SLIT3: variants seen among roughly 807,000 people sequenced by gnomAD.
SLIT3 encodes slit homolog 3 protein.
A neutral mutation model predicts 184.0 loss-of-function variants in SLIT3; 68 were observed. The observed-to-expected ratio is 0.37, with a 90% CI of 0.30 to 0.45. The LOEUF is 0.45. SLIT3 is among the 20% of genes least tolerant of loss of function. The probability of loss-of-function intolerance (pLI) is 1.00; values close to 1 mark genes in which losing one functional copy is unlikely to be tolerated. For synonymous variants in SLIT3, 831 were observed against 828.6 expected (o/e 1.00, Z -0.05); for missense variants, 1,707 against 2,026.0 (o/e 0.84, Z 3.02).
At chr5:168,787,161 A>T (rs1756183857) in intron 11 of SLIT3, among the ~76,000 whole-genome samples, 1 of 152,244 alleles carries the variant, frequency 6.6e-6, no homozygotes, top group African/African-American at 2.4e-5. Context: ...AAAAGTCAGC[A>T]TGATAGCTCA....
chr5:168,959,445 C>T (rs557143108), intron 4 of SLIT3, among the ~76,000 whole-genome samples: 5 of 152,324 alleles, frequency 3.3e-5, no homozygotes, highest in South Asian at 2.1e-4. Flanking sequence ...ATATCCCACA[C>T]GTGAAAACCA....
chr5:169,181,361 G>A (rs867602056), intron 4 of SLIT3, among the ~76,000 whole-genome samples: 6 of 152,110 alleles, frequency 3.9e-5, no homozygotes, highest in Admixed American at 1.3e-4. Flanking sequence ...GACAGATATA[G>A]GAAGAAGACT....
At chr5:168,924,028 A>G (rs1338719117) in intron 4 of SLIT3, among the ~76,000 whole-genome samples, 1 of 152,250 alleles carries the variant, frequency 6.6e-6, no homozygotes, top group Non-Finnish European at 1.5e-5. Context: ...GCCTAAAATA[A>G]TATCTGGTCC....
At chr5:168,751,357 CA>C (rs1754695525) in intron 18 of SLIT3, among the ~76,000 whole-genome samples, 1 of 152,202 alleles carries the variant, frequency 6.6e-6, no homozygotes, top group African/African-American at 2.4e-5. Flanking sequence ...CTAAGGATAA[CA>C]GAGCCACATG....
chr5:168,826,383 A>G (rs893992728), intron 6 of SLIT3, among the ~76,000 whole-genome samples: 2 of 152,158 alleles, frequency 1.3e-5, no homozygotes, highest in African/African-American at 4.8e-5. Context: ...ATAAACACAG[A>G]TTTATTTGAT....
intron 4 of SLIT3, among the ~76,000 whole-genome samples, chr5:169,075,474 C>T (rs191215242): frequency 1.3e-5 from 2 of 152,236 alleles, no homozygotes; most frequent in Non-Finnish European, 1.5e-5. Flanking sequence ...TCGAAAATAT[C>T]GTGAAGTTGA....
At chr5:169,113,807 C>T (rs1221387625) in intron 4 of SLIT3, among the ~76,000 whole-genome samples, 1 of 152,042 alleles carries the variant, frequency 6.6e-6, no homozygotes, top group African/African-American at 2.4e-5. Context: ...TGACATGTGC[C>T]ATCATGCCCA....
intron 4 of SLIT3, among the ~76,000 whole-genome samples, chr5:168,908,361 T>C (rs1218880837): frequency 2.0e-5 from 3 of 152,154 alleles, no homozygotes; most frequent in Non-Finnish European, 2.9e-5. Flanking sequence ...CTGAATGCCA[T>C]GCAGTCCACG....
rs60977256 is a variant in SLIT3, at chr5:169,066,942, GAAAAAAAAA to G, written c.413+126528_413+126536del. On this transcript the variant is annotated intron_variant, in intron 4 of 35. Coordinates refer to ENST00000519560, the MANE Select transcript of SLIT3 (RefSeq NM_003062.4). Reference sequence around the variant, plus strand: ...AAGGCAACACCATGATCCCTTTCCTGAAAAAAAAAAAAAAAAAAAAGACAAGACATACAT... The same window carrying G: ...AAGGCAACACCATGATCCCTTTCCTGAAAAAAAAAAAGACAAGACATACAT... Among the ~76,000 whole-genome samples, 13 of 80,442 alleles carry G rather than the reference GAAAAAAAAA, an allele frequency of 1.6e-4. No homozygotes were observed. In the South Asian group the frequency reaches 5.7e-3, roughly 35 times the overall value. The allele number at this position is 80,442 out of a possible 152,430, so 52.8% of individuals were successfully genotyped here.
chr5:168,907,903 T>G (rs79758568), intron 4 of SLIT3, among the ~76,000 whole-genome samples: 7 of 91,460 alleles, frequency 7.7e-5, no homozygotes, highest in East Asian at 4.9e-4. Flanking sequence ...ATCATATATA[T>G]ATAGATCTAT....
intron 10 of SLIT3, among the ~76,000 whole-genome samples, chr5:168,793,452 C>T (rs529044128): frequency 5.9e-5 from 9 of 152,162 alleles, no homozygotes; most frequent in African/African-American, 1.2e-4. Context: ...TTCCATTAGT[C>T]GAACATTTTT....
rs559202713 is a variant in SLIT3 at position 168,662,614 on chromosome 5, G to C, written c.*3840C>G. 1 of 152,202 alleles carries C rather than the reference G, an allele frequency of 6.6e-6. No individual in the cohort carries two copies. Among genetic ancestry groups the C allele is most frequent in the Non-Finnish European group, 1.5e-5 (1 of 68,038 alleles). The allele number at this position is 152,202 out of a possible 1,614,324, so 9.4% of individuals were successfully genotyped here. A position where few individuals can be genotyped will look rare whatever the true frequency, so the allele number is the denominator to read the frequency against. ...CATGTCCATAACAGCAACAACAACA[G>C]TAATAATAACAACAGCATCTTACAT... On this transcript the variant is annotated 3_prime_UTR_variant, in exon 36 of 36. Coordinates refer to ENST00000519560, the MANE Select transcript of SLIT3 (RefSeq NM_003062.4).
At chr5:169,277,568 G>A (rs933265809) in intron 1 of SLIT3, among the ~76,000 whole-genome samples, 3 of 152,160 alleles carry the variant, frequency 2.0e-5, no homozygotes, top group African/African-American at 7.2e-5. Flanking sequence ...CATCCATGTT[G>A]TTGCATGTAT....
rs746394105 is a variant in SLIT3, at chr5:168,772,763, G to A, written c.1459+18C>T. 6 of 1,613,950 alleles carry A rather than the reference G, an allele frequency of 3.7e-6. No individual in the cohort carries two copies. Among genetic ancestry groups the A allele is most frequent in the Non-Finnish European group, 4.2e-6 (5 of 1,179,934 alleles). On this transcript the variant is annotated intron_variant, in intron 14 of 35. Coordinates refer to ENST00000519560, the MANE Select transcript of SLIT3 (RefSeq NM_003062.4). Reference sequence around the variant, plus strand: ...ATTCTGAGTCAGAAAGCGGGGCCCAGCCCCGTAACCTGATTACCTGAGCAG... The same window carrying A: ...ATTCTGAGTCAGAAAGCGGGGCCCAACCCCGTAACCTGATTACCTGAGCAG...
intron 4 of SLIT3, among the ~76,000 whole-genome samples, chr5:168,985,594 G>A (rs1755093764): frequency 6.6e-6 from 1 of 152,158 alleles, no homozygotes; most frequent in Non-Finnish European, 1.5e-5. Context: ...CAGTTCCTAT[G>A]CATGGTGGGC....
chr5:169,273,869 A>G (rs1025525213), intron 1 of SLIT3, among the ~76,000 whole-genome samples: 2 of 152,206 alleles, frequency 1.3e-5, no homozygotes, highest in Non-Finnish European at 2.9e-5. Flanking sequence ...GGTAAAGCCT[A>G]AGAATCTTCA....
chr5:168,934,160 G>T (rs964444255), intron 4 of SLIT3, among the ~76,000 whole-genome samples: 1 of 152,160 alleles, frequency 6.6e-6, no homozygotes, highest in Non-Finnish European at 1.5e-5. Context: ...AGATCCATTT[G>T]CCAAAGAGGG....
intron 8 of SLIT3, among the ~76,000 whole-genome samples, chr5:168,811,020 T>G (rs141499986): frequency 6.6e-6 from 1 of 152,124 alleles, no homozygotes; most frequent in Non-Finnish European, 1.5e-5. Flanking sequence ...AGCCACATTG[T>G]TCTTCTCCTA....
intron 26 of SLIT3, among the ~76,000 whole-genome samples, chr5:168,705,739 C>G (rs1395632630): frequency 1.3e-5 from 2 of 152,230 alleles, no homozygotes; most frequent in Non-Finnish European, 2.9e-5. Context: ...TGCTCTGACA[C>G]TGACGGTCAG....
Sources: allele counts gnomAD v4.1 joint callset (sites outside exome capture counted in the v4.1 genomes callset), GRCh38; gene constraint gnomAD v4.1.1; transcripts MANE v1.5; gene names NCBI Gene and HGNC (gene_info 2026-07-23, HGNC 2026-07-21).